FAM222B: variants seen among roughly 807,000 people sequenced by gnomAD.
The protein encoded by FAM222B is protein FAM222B.
A neutral mutation model predicts 38.0 loss-of-function variants in FAM222B; 12 were observed. The observed-to-expected ratio is 0.32, with a 90% CI of 0.20 to 0.51. The LOEUF (loss-of-function observed/expected upper bound fraction) is 0.51, where lower values mean the gene tolerates loss of function less well. Ranked by LOEUF, FAM222B falls within the 20% of genes least tolerant of loss-of-function variation. The probability of loss-of-function intolerance (pLI) is 0.97; values close to 1 mark genes in which losing one functional copy is unlikely to be tolerated. For synonymous variants in FAM222B, 329 were observed against 317.2 expected (o/e 1.04, Z -0.40); for missense variants, 716 against 754.2 (o/e 0.95, Z 0.59).
At chr17:28,795,075 AGAGT>A (rs924747726) in intron 1 of FAM222B, among the ~76,000 whole-genome samples, 4 of 151,598 alleles carry the variant, frequency 2.6e-5, no homozygotes, top group South Asian at 4.2e-4. Context: ...CCTGGGCAAT[AGAGT>A]GAGACCCTGT....
chr17:28,789,219 T>C (rs1213312133), intron 1 of FAM222B, among the ~76,000 whole-genome samples: 1 of 149,108 alleles, frequency 6.7e-6, no homozygotes, highest in Admixed American at 6.8e-5. Context: ...TTTTTTGAGA[T>C]GGAGTCTCGC....
intron 1 of FAM222B, among the ~76,000 whole-genome samples, chr17:28,773,341 G>C (rs1362541526): frequency 2.0e-5 from 3 of 151,604 alleles, no homozygotes; most frequent in Non-Finnish European, 1.5e-5. Context: ...AATTAGCCGG[G>C]CGTGGTGGTG....
intron 1 of FAM222B, among the ~76,000 whole-genome samples, chr17:28,819,741 G>A (rs879886470): frequency 1.3e-5 from 2 of 152,116 alleles, no homozygotes; most frequent in Non-Finnish European, 2.9e-5. Context: ...AGCCTAGAAT[G>A]AACAAAGCTG....
chr17:28,833,663 A>G (rs1398962986), intron 1 of FAM222B, among the ~76,000 whole-genome samples: 2 of 151,954 alleles, frequency 1.3e-5, no homozygotes. Context: ...ATTGAAAAAT[A>G]AGGAAAAGGA....
At chr17:28,786,815 AAG>A (rs2036430498) in intron 1 of FAM222B, among the ~76,000 whole-genome samples, 1 of 151,872 alleles carries the variant, frequency 6.6e-6, no homozygotes, top group African/African-American at 2.4e-5. Context: ...ATTGCTAGTG[AAG>A]AGTTTCAGAA....
chr17:28,830,779 A>T (rs1283496370), intron 1 of FAM222B, among the ~76,000 whole-genome samples: 1 of 151,744 alleles, frequency 6.6e-6, no homozygotes, highest in Non-Finnish European at 1.5e-5. Context: ...TGAGCCCAGG[A>T]GTTTGAGACC....
At chr17:28,830,159 TTC>T (rs2038613742) in intron 1 of FAM222B, among the ~76,000 whole-genome samples, 2 of 110,250 alleles carry the variant, frequency 1.8e-5, no homozygotes, top group Admixed American at 1.1e-4. Context: ...TCTTTATACA[TTC>T]TTTTTTTTTT....
rs369376703 is a variant in FAM222B, at chr17:28,792,099, CAGG to C, written c.-40-25395_-40-25393del. On this transcript the variant is annotated intron_variant, in intron 1 of 2. Coordinates refer to ENST00000581407, the MANE Select transcript of FAM222B (RefSeq NM_001077498.3). ...GGCCAAGGCGGGCGGATCGCGAGGT[CAGG>C]AGATCGAGACCATCCTGGCCAACAC... is the stretch of plus-strand genomic sequence containing the variant. 8.3e-3 allele frequency among the ~76,000 whole-genome samples: 1,251 copies of C among 150,272 alleles called. 51 individuals carry two copies. Among genetic ancestry groups the C allele is most frequent in the Admixed American group, 0.059 (895 of 15,088 alleles).
At chr17:28,789,192 T>A (rs1350397890) in intron 1 of FAM222B, among the ~76,000 whole-genome samples, 1 of 150,478 alleles carries the variant, frequency 6.6e-6, no homozygotes, top group Non-Finnish European at 1.5e-5. Context: ...TCTTCTTCAT[T>A]CTGTGTCCTT....
In FAM222B at chr17:28,791,065, G is replaced by A. The variant is rs537900679; in HGVS notation, c.-40-24358C>T. Among the ~76,000 whole-genome samples, 253 of 151,102 alleles carry A rather than the reference G, an allele frequency of 1.7e-3. 1 individual carries two copies. The highest frequency in any genetic ancestry group is 5.3e-3 in the East Asian group (27 of 5,128). ...TGGGACTACAGGTGCCCGCCACCAC[G>A]CCCAGCTAATTTTTTTTTGTATTTT... On this transcript the variant is annotated intron_variant, in intron 1 of 2. Coordinates refer to ENST00000581407, the MANE Select transcript of FAM222B (RefSeq NM_001077498.3).
chr17:28,758,045 A>G lies in FAM222B; in HGVS notation c.*225T>C, dbSNP rs2034792445. 2 of 445,850 alleles carry G rather than the reference A, an allele frequency of 4.5e-6. No individual in the cohort carries two copies. The highest frequency in any genetic ancestry group is 4.0e-5 in the Admixed American group (1 of 25,202). 27.6% of individuals were successfully genotyped at this position (445,850 alleles called of 1,614,324 possible). ...GCTGACAGGCAGTCAGTGGAGAGAA[A>G]AGCCTGGGCTTAGGGTTAGGTTCTA... On this transcript the variant is annotated 3_prime_UTR_variant, in exon 3 of 3. Coordinates refer to ENST00000581407, the MANE Select transcript of FAM222B (RefSeq NM_001077498.3).
intron 1 of FAM222B, among the ~76,000 whole-genome samples, chr17:28,824,381 T>C (rs940744781): frequency 6.6e-6 from 1 of 151,776 alleles, no homozygotes; most frequent in Non-Finnish European, 1.5e-5. Flanking sequence ...ACACAGGGTC[T>C]CTCTATCTTG....
At chr17:28,791,777 A>C (rs2036700897) in intron 1 of FAM222B, among the ~76,000 whole-genome samples, 1 of 147,792 alleles carries the variant, frequency 6.8e-6, no homozygotes, top group Non-Finnish European at 1.5e-5. Flanking sequence ...GTCCTGCCTC[A>C]GTCTCCTGAG....
chr17:28,836,632 G>A (rs963762175), intron 1 of FAM222B, among the ~76,000 whole-genome samples: 1 of 152,056 alleles, frequency 6.6e-6, no homozygotes, highest in Non-Finnish European at 1.5e-5. Flanking sequence ...GTGACTGGGG[G>A]CTGCATGCAC....
chr17:28,820,833 T>C (rs2038187710), intron 1 of FAM222B, among the ~76,000 whole-genome samples: 1 of 151,876 alleles, frequency 6.6e-6, no homozygotes, highest in Non-Finnish European at 1.5e-5. Flanking sequence ...AGATGGGTTT[T>C]CACCATGTTG....
intron 1 of FAM222B, among the ~76,000 whole-genome samples, chr17:28,796,003 GTA>G (rs1190536526): frequency 6.6e-6 from 1 of 152,198 alleles, no homozygotes; most frequent in Non-Finnish European, 1.5e-5. Context: ...AGGAAGGACA[GTA>G]TGTTTTAATT....
intron 1 of FAM222B, among the ~76,000 whole-genome samples, chr17:28,790,853 A>G (rs566384799): frequency 1.5e-5 from 2 of 130,554 alleles, no homozygotes; most frequent in South Asian, 4.7e-4. Context: ...TAGCATACTT[A>G]CAACTGTTCT....
intron 1 of FAM222B, among the ~76,000 whole-genome samples, chr17:28,780,536 T>G (rs1254700130): frequency 6.7e-6 from 1 of 149,494 alleles, no homozygotes; most frequent in Non-Finnish European, 1.5e-5. Context: ...AAAAAAAGGC[T>G]TGGGAATAAA....
rs539798604 is a variant in FAM222B, at chr17:28,827,154, A to G, written c.-41+15528T>C. ...AATTAAACTCTGTCTCAAAAAAAGA[A>G]AAAAACAGCCTGGACAACATATTGA... On this transcript the variant is annotated intron_variant, in intron 1 of 2. Coordinates refer to ENST00000581407, the MANE Select transcript of FAM222B (RefSeq NM_001077498.3). 7.2e-5 allele frequency among the ~76,000 whole-genome samples: 11 copies of G among 152,122 alleles called. No individual in the cohort carries two copies. The East Asian group carries it at 1.9e-3, about 27-fold the overall frequency.
Sources: allele counts gnomAD v4.1 joint callset (sites outside exome capture counted in the v4.1 genomes callset), GRCh38; gene constraint gnomAD v4.1.1; transcripts MANE v1.5; gene names NCBI Gene and HGNC (gene_info 2026-07-23, HGNC 2026-07-21).